The following CDKAL1 variants were observed in gnomAD, a reference collection of about 807,000 sequenced individuals.
The protein encoded by CDKAL1 is CDKAL1 threonylcarbamoyladenosine tRNA methylthiotransferase, also known as threonylcarbamoyladenosine tRNA methylthiotransferase.
A neutral mutation model predicts 68.2 loss-of-function variants in CDKAL1; 32 were observed. That is an observed-to-expected ratio of 0.47 (90% confidence interval 0.35 to 0.63). The LOEUF (loss-of-function observed/expected upper bound fraction) is 0.63. Among genes scored for constraint, CDKAL1 ranks in the 30% least tolerant of loss-of-function variants. CDKAL1 has a pLI of 0.00. For missense variants in CDKAL1, 606 were observed against 696.7 expected (o/e 0.87, Z 1.47); for synonymous variants, 234 against 244.3 (o/e 0.96, Z 0.39).
chr6:20,996,459 G>A (rs146761915), intron 10 of CDKAL1, among the ~76,000 whole-genome samples: 28 of 152,258 alleles, frequency 1.8e-4, no homozygotes, highest in Non-Finnish European at 3.5e-4. Context: ...AAAGGCCTTC[G>A]TCAGGTTATT....
intron 2 of CDKAL1, among the ~76,000 whole-genome samples, chr6:20,542,285 A>G (rs879709668): frequency 6.6e-6 from 1 of 152,236 alleles, no homozygotes; most frequent in Non-Finnish European, 1.5e-5. Context: ...TTAACACTGC[A>G]ACTCAGATGA....
chr6:20,709,896 T>C (rs1181555765), intron 5 of CDKAL1, among the ~76,000 whole-genome samples: 3 of 152,182 alleles, frequency 2.0e-5, no homozygotes. Flanking sequence ...TATGTTTTTA[T>C]TGGGCCAAAT....
chr6:20,902,490 A>G (rs1263330232), intron 9 of CDKAL1, among the ~76,000 whole-genome samples: 1 of 152,220 alleles, frequency 6.6e-6, no homozygotes. Context: ...AGAGGCAACT[A>G]TTTGAGCAAG....
intron 11 of CDKAL1, among the ~76,000 whole-genome samples, chr6:21,025,761 A>C (rs900559261): frequency 6.6e-6 from 1 of 152,190 alleles, no homozygotes; most frequent in African/African-American, 2.4e-5. Flanking sequence ...ATCAAGAGAA[A>C]GAAAGCTTCA....
At position 20,855,990 on chromosome 6, in the gene CDKAL1, A is replaced by T. The variant is rs144300422; in HGVS notation, c.742+9812A>T. Among the ~76,000 whole-genome samples, 358 of 152,322 alleles carry T rather than the reference A, an allele frequency of 2.4e-3. 1 individual carries two copies. Among genetic ancestry groups the T allele is most frequent in the African/African-American group, 8.1e-3 (335 of 41,572 alleles). ...TCTATCAAGATCCTGAGGTGCCCAT[A>T]TTCTGCTTTGATTGAGTGCAAATCC... On this transcript the variant is annotated intron_variant, in intron 9 of 15. Coordinates refer to ENST00000274695, the MANE Select transcript of CDKAL1 (RefSeq NM_017774.3).
At chr6:20,688,752 G>C (rs116196361) in intron 5 of CDKAL1, among the ~76,000 whole-genome samples, 1,805 of 152,178 alleles carry the variant, frequency 0.012, 19 homozygotes, top group South Asian at 0.022. Context: ...TCTGAGTCTG[G>C]TTCTGATTCT....
At position 20,606,416 on chromosome 6, in the gene CDKAL1, A is replaced by G. The variant is rs148404364; in HGVS notation, c.287-42877A>G. 1.5e-3 allele frequency among the ~76,000 whole-genome samples: 231 copies of G among 152,314 alleles called. 6 individuals are homozygous for G. The East Asian group carries it at 0.038, about 25-fold the overall frequency. ...GTAGAACATAGAGAAGAGAACAGTT[A>G]AGGTCGGCCGGATTGCTTCTGCAGG... On this transcript the variant is annotated intron_variant, in intron 4 of 15. Transcript: ENST00000274695.
At chr6:20,996,838 T>G (rs547398409) in intron 10 of CDKAL1, among the ~76,000 whole-genome samples, 1 of 152,226 alleles carries the variant, frequency 6.6e-6, no homozygotes, top group Non-Finnish European at 1.5e-5. Flanking sequence ...AATAAAATGA[T>G]GTATGCCTGT....
At chr6:20,769,396 T>A (rs1313193827) in intron 7 of CDKAL1, among the ~76,000 whole-genome samples, 1 of 151,768 alleles carries the variant, frequency 6.6e-6, no homozygotes, top group Non-Finnish European at 1.5e-5. Context: ...GTAGCTGGGA[T>A]TACAGACATG....
chr6:21,058,055 C>A (rs1770933758), intron 11 of CDKAL1, among the ~76,000 whole-genome samples: 2 of 152,172 alleles, frequency 1.3e-5, no homozygotes, highest in Admixed American at 6.5e-5. Flanking sequence ...GAGTTTAAAT[C>A]CTGAATATCT....
chr6:21,000,440 A>C, intron 11 of CDKAL1, 68 bp downstream of exon 11: 3 of 1,352,012 alleles, frequency 2.2e-6, no homozygotes, highest in South Asian at 2.5e-5. Context: ...GCAAAAATGC[A>C]CTTATTGCAG....
At chr6:21,214,353 A>G (rs561358657) in intron 15 of CDKAL1, among the ~76,000 whole-genome samples, 1 of 152,150 alleles carries the variant, frequency 6.6e-6, no homozygotes, top group African/African-American at 2.4e-5. Flanking sequence ...AATTTTTACA[A>G]AAATCATCTA....
chr6:21,105,275 T>A (rs1773790292), intron 12 of CDKAL1, among the ~76,000 whole-genome samples: 1 of 152,244 alleles, frequency 6.6e-6, no homozygotes, highest in African/African-American at 2.4e-5. Context: ...ATCATCTTAC[T>A]GATACATCTT....
intron 9 of CDKAL1, among the ~76,000 whole-genome samples, chr6:20,936,931 G>T (rs192077198): frequency 6.6e-6 from 1 of 152,078 alleles, no homozygotes; most frequent in Admixed American, 6.5e-5. Context: ...GTTACCAGAG[G>T]TTTCACGTAT....
At chr6:21,080,772 G>C (rs1007321543) in intron 12 of CDKAL1, among the ~76,000 whole-genome samples, 4 of 152,198 alleles carry the variant, frequency 2.6e-5, no homozygotes, top group African/African-American at 9.7e-5. Context: ...TACGGCACAA[G>C]TGTAGACTAA....
chr6:20,990,240 C>G (rs1766722362), intron 10 of CDKAL1, among the ~76,000 whole-genome samples: 1 of 151,990 alleles, frequency 6.6e-6, no homozygotes, highest in Non-Finnish European at 1.5e-5. Flanking sequence ...AAGACTCTGT[C>G]TCAAAAATAA....
chr6:20,810,617 T>C (rs1210790441), intron 8 of CDKAL1, among the ~76,000 whole-genome samples: 1 of 125,674 alleles, frequency 8.0e-6, no homozygotes, highest in African/African-American at 3.2e-5. Flanking sequence ...AGATTATGTG[T>C]GTATGTATGG....
At chr6:20,690,579 A>G (rs1316060689) in intron 5 of CDKAL1, among the ~76,000 whole-genome samples, 1 of 152,150 alleles carries the variant, frequency 6.6e-6, no homozygotes, top group South Asian at 2.1e-4. Context: ...AATTTAATGG[A>G]GATTGGGATG....
chr6:20,825,735 G>C (rs1160681984), intron 8 of CDKAL1, among the ~76,000 whole-genome samples: 2 of 152,092 alleles, frequency 1.3e-5, no homozygotes, highest in South Asian at 2.1e-4. Context: ...CAATATGAGT[G>C]TAATTAATGA....
Sources: allele counts gnomAD v4.1 joint callset (sites outside exome capture counted in the v4.1 genomes callset), GRCh38; gene constraint gnomAD v4.1.1; transcripts MANE v1.5; gene names NCBI Gene and HGNC (gene_info 2026-07-23, HGNC 2026-07-21).